CDC40: variants seen among roughly 807,000 people sequenced by gnomAD.
The protein encoded by CDC40 is cell division cycle 40, also known as pre-mRNA-processing factor 17.
A neutral mutation model predicts 80.6 loss-of-function variants in CDC40; 27 were observed. The observed-to-expected ratio is 0.33, with a 90% CI of 0.25 to 0.46. The LOEUF (loss-of-function observed/expected upper bound fraction) is 0.46. Ranked by LOEUF, CDC40 falls within the 20% of genes least tolerant of loss-of-function variation. The pLI is 1.00. For synonymous variants in CDC40, 221 were observed against 232.6 expected (o/e 0.95, Z 0.45); for missense variants, 486 against 694.1 (o/e 0.70, Z 3.37).
intron 2 of CDC40, among the ~76,000 whole-genome samples, chr6:110,196,716 G>A (rs1777423146): frequency 6.6e-6 from 1 of 151,990 alleles, no homozygotes; most frequent in Non-Finnish European, 1.5e-5. Flanking sequence ...AGGAAACTGA[G>A]ACCAAAGATC....
At chr6:110,207,355 G>T in intron 3 of CDC40, 151 bp from the exon 4 acceptor site, 1 of 500,648 alleles carries the variant, frequency 2.0e-6, no homozygotes. Context: ...ATATAGCTCA[G>T]GGCAGAATGA....
At chr6:110,204,533 A>ATGAG (rs1777536480) in intron 3 of CDC40, among the ~76,000 whole-genome samples, 1 of 152,142 alleles carries the variant, frequency 6.6e-6, no homozygotes, top group African/African-American at 2.4e-5. Flanking sequence ...ATTTTCTTAA[A>ATGAG]TGAGTTCCCA....
chr6:110,194,638 C>A (rs770905865), intron 2 of CDC40, among the ~76,000 whole-genome samples: 2 of 152,146 alleles, frequency 1.3e-5, no homozygotes, highest in Non-Finnish European at 2.9e-5. Context: ...GGTCTCATAT[C>A]CATTGGCACC....
chr6:110,217,763 A>G lies in CDC40; in HGVS notation c.1050A>G (p.Ala350=). ...FNTAGTQFLS[A]AYDRYLKLWD... ...CTGCAGGAACACAGTTCCTCAGTGC[A>G]GCCTATGACAGGTATCTTAAGCTCT... Residue 350 remains alanine, a synonymous_variant, in exon 10 of 15, where the codon GCA becomes GCG. Transcript: ENST00000307731. 1 of 1,604,424 alleles carries G rather than the reference A, an allele frequency of 6.2e-7. No homozygotes were observed. Among genetic ancestry groups the G allele is most frequent in the East Asian group, 2.2e-5 (1 of 44,808 alleles).
chr6:110,229,893 C>T (rs554722718), intron 14 of CDC40, 61 bp from the exon 15 acceptor site: 3 of 1,116,686 alleles, frequency 2.7e-6, no homozygotes, highest in African/African-American at 3.1e-5. Flanking sequence ...CCCTATTCCT[C>T]ATTCGCCTTA....
chr6:110,222,763 G>GAACA (rs1217378296), intron 12 of CDC40, among the ~76,000 whole-genome samples: 2 of 152,116 alleles, frequency 1.3e-5, no homozygotes, highest in Non-Finnish European at 2.9e-5. Context: ...ATGAGAGAAA[G>GAACA]AACAGTGTGA....
intron 2 of CDC40, among the ~76,000 whole-genome samples, chr6:110,199,215 CTTATA>C (rs1460598706): frequency 1.3e-5 from 2 of 152,098 alleles, no homozygotes; most frequent in East Asian, 3.9e-4. Context: ...GGTATAGTAC[CTTATA>C]TTATACATAG....
rs1777918989 is a variant in CDC40 at position 110,230,339 on chromosome 6, T to C, written c.*208T>C. ...AAATGTTATTTATACAGAAAGTGGCTATTGACTTTCTATTTGACAAGTAGT... is the reference window on the plus strand; with the variant it reads ...AAATGTTATTTATACAGAAAGTGGCCATTGACTTTCTATTTGACAAGTAGT... On this transcript the variant is annotated 3_prime_UTR_variant, in exon 15 of 15. Coordinates refer to ENST00000307731, the MANE Select transcript of CDC40 (RefSeq NM_015891.3). 2 of 460,474 alleles carry C rather than the reference T, an allele frequency of 4.3e-6. No homozygotes were observed. Among genetic ancestry groups the C allele is most frequent in the Admixed American group, 8.1e-5 (2 of 24,582 alleles). 28.5% of individuals were successfully genotyped at this position (460,474 alleles called of 1,614,324 possible). A position where few individuals can be genotyped will look rare whatever the true frequency, so the allele number is the denominator to read the frequency against.
intron 1 of CDC40, among the ~76,000 whole-genome samples, chr6:110,182,960 T>A (rs1047118147): frequency 5.9e-5 from 9 of 152,192 alleles, no homozygotes; most frequent in Non-Finnish European, 1.2e-4. Context: ...GATTTCTAAG[T>A]TTTTTTGGTA....
intron 12 of CDC40, among the ~76,000 whole-genome samples, chr6:110,220,621 T>C (rs1344958718): frequency 3.3e-5 from 5 of 151,460 alleles, no homozygotes; most frequent in African/African-American, 1.2e-4. Context: ...ATTTTTTGTA[T>C]TTTTTAGTAG....
In CDC40 at chr6:110,229,985, T is replaced by G. The variant is rs1307178354; in HGVS notation, c.1594T>G (p.Leu532Val). The change falls in exon 15 of 15, where the codon TTA (leucine) becomes GTA (valine). Residue 532 changes from leucine to valine, a missense_variant. Coordinates refer to ENST00000307731, the MANE Select transcript of CDC40 (RefSeq NM_015891.3). ...YVISGDGNGK[L>V]NIWDWKTTKL... is the part of the protein sequence containing the mutation. ...GATTTCAGGAGATGGAAATGGAAAA[T>G]TAAACATTTGGGACTGGAAGACCAC... The G allele has an allele frequency of 1.2e-6, 2 of 1,610,886 alleles. No homozygotes were observed. Among genetic ancestry groups the G allele is most frequent in the Non-Finnish European group, 1.7e-6 (2 of 1,177,570 alleles).
At chr6:110,219,893 C>A in intron 12 of CDC40, 24 bp downstream of exon 12, 1 of 1,606,268 alleles carries the variant, frequency 6.2e-7, no homozygotes, top group South Asian at 1.1e-5. Context: ...AGTAGAAAAT[C>A]TGATTTACAT....
intron 1 of CDC40, among the ~76,000 whole-genome samples, chr6:110,189,907 C>T (rs186284908): frequency 6.6e-6 from 1 of 152,322 alleles, no homozygotes; most frequent in Non-Finnish European, 1.5e-5. Flanking sequence ...TTTCCATAGT[C>T]CTTACTAACA....
intron 2 of CDC40, among the ~76,000 whole-genome samples, chr6:110,197,066 GCTGACTCACCAATA>G (rs1271154622): frequency 1.3e-5 from 2 of 152,108 alleles, no homozygotes; most frequent in African/African-American, 4.8e-5. Context: ...CTGCTAAAAT[GCTGACTCACCAATA>G]CTCTACCGAC....
At chr6:110,190,073 C>G (rs1166534205) in intron 1 of CDC40, among the ~76,000 whole-genome samples, 1 of 152,172 alleles carries the variant, frequency 6.6e-6, no homozygotes, top group Non-Finnish European at 1.5e-5. Context: ...CTGCGTTCTA[C>G]TGGGCAGTGA....
intron 9 of CDC40, among the ~76,000 whole-genome samples, chr6:110,216,572 A>G (rs1777702387): frequency 6.6e-6 from 1 of 152,046 alleles, no homozygotes; most frequent in African/African-American, 2.4e-5. Context: ...CCTGAAGGAG[A>G]TGATAGAAGC....
chr6:110,180,780 T>C (rs1777174364), intron 1 of CDC40, 147 bp downstream of exon 1: 1 of 633,028 alleles, frequency 1.6e-6, no homozygotes, highest in Admixed American at 2.9e-5. Flanking sequence ...CCCACATGCA[T>C]CCTCGGGAGA....
At chr6:110,225,450 G>GTTT (rs79984887) in intron 12 of CDC40, among the ~76,000 whole-genome samples, 5 of 135,808 alleles carry the variant, frequency 3.7e-5, no homozygotes, top group African/African-American at 5.4e-5. Context: ...CTCACATGAG[G>GTTT]TTTTTTTTTT....
At chr6:110,187,211 A>T (rs1053066898) in intron 1 of CDC40, among the ~76,000 whole-genome samples, 9 of 152,280 alleles carry the variant, frequency 5.9e-5, no homozygotes, top group Admixed American at 4.6e-4. Flanking sequence ...TACATGCAAC[A>T]TTGTAAGGTT....
Sources: gnomAD v4.1 joint callset for allele counts (sites outside exome capture counted in the v4.1 genomes callset) on GRCh38, gnomAD v4.1.1 for gene constraint, MANE v1.5 for transcripts, NCBI Gene and HGNC (gene_info 2026-07-23, HGNC 2026-07-21) for gene names.